The following NRXN3 variants were observed in gnomAD, a reference collection of about 807,000 sequenced individuals.
NRXN3 encodes the protein neurexin 3.
In NRXN3, 32 loss-of-function variants were observed where a neutral mutation model predicts 137.6. The observed-to-expected ratio is 0.23, with a 90% CI of 0.18 to 0.31. The LOEUF (loss-of-function observed/expected upper bound fraction) is 0.31. NRXN3 is among the 10% of genes least tolerant of loss of function. The pLI, the probability that NRXN3 is intolerant of heterozygous loss-of-function variation, is 1.00. For synonymous variants in NRXN3, 798 were observed against 784.5 expected, an observed-to-expected ratio of 1.02 and a Z score of -0.29; for missense variants, 1,574 against 2,062.5, an observed-to-expected ratio of 0.76 and a Z score of 4.59.
At chr14:78,580,269 C>T (rs933239344) in intron 4 of NRXN3, among the ~76,000 whole-genome samples, 3 of 152,118 alleles carry the variant, frequency 2.0e-5, no homozygotes, top group African/African-American at 7.2e-5. Flanking sequence ...TGCCTGCTTG[C>T]CCTAACTGCA....
At chr14:79,748,413 G>A (rs559110545) in intron 19 of NRXN3, among the ~76,000 whole-genome samples, 10 of 151,972 alleles carry the variant, frequency 6.6e-5, no homozygotes, top group South Asian at 2.1e-4. Flanking sequence ...GATTATTAAC[G>A]GTTGACATTG....
intron 16 of NRXN3, among the ~76,000 whole-genome samples, chr14:79,614,873 C>T (rs2098139022): frequency 6.6e-6 from 1 of 152,104 alleles, no homozygotes. Flanking sequence ...CTGCAGCTGC[C>T]TAGTTAGGTA....
intron 19 of NRXN3, among the ~76,000 whole-genome samples, chr14:79,715,619 A>C (rs150725873): frequency 1.3e-5 from 2 of 152,314 alleles, no homozygotes; most frequent in Non-Finnish European, 2.9e-5. Flanking sequence ...AAAGATAATA[A>C]AGCAAGTGTA....
intron 16 of NRXN3, among the ~76,000 whole-genome samples, chr14:79,496,977 C>T (rs1225371687): frequency 6.6e-6 from 1 of 152,174 alleles, no homozygotes; most frequent in Non-Finnish European, 1.5e-5. Context: ...TTTACTCACT[C>T]CACCATAACC....
rs780777887 is a variant in NRXN3 at position 79,257,589 on chromosome 14, ATGGTGGTGGTGGTGG to A, written c.3263-209620_3263-209606del. On this transcript the variant is annotated intron_variant, in intron 15 of 20. Coordinates refer to ENST00000335750, the MANE Select transcript of NRXN3 (RefSeq NM_001330195.2). ...GGTGGTGGTGGTGGTGATGGTAATG[ATGGTGGTGGTGGTGG>A]TGGTGGTGGTGACGATGGTATTAGG... Among the ~76,000 whole-genome samples, 3 of 29,864 alleles carry A rather than the reference ATGGTGGTGGTGGTGG, an allele frequency of 1.0e-4. No homozygotes were observed. In the South Asian group the frequency reaches 3.7e-3, roughly 37 times the overall value. 19.6% of individuals were successfully genotyped at this position (29,864 alleles called of 152,430 possible).
intron 16 of NRXN3, among the ~76,000 whole-genome samples, chr14:79,575,623 T>C (rs557888721): frequency 6.6e-6 from 1 of 152,276 alleles, no homozygotes; most frequent in East Asian, 1.9e-4. Context: ...CTTAATTTTT[T>C]TCTCTCTAAA....
intron 15 of NRXN3, among the ~76,000 whole-genome samples, chr14:79,278,792 G>T (rs2080732273): frequency 6.6e-6 from 1 of 152,152 alleles, no homozygotes; most frequent in African/African-American, 2.4e-5. Context: ...TGGGAGTCCG[G>T]ACTCAGATTC....
At chr14:78,335,706 T>G (rs1309827568) in intron 4 of NRXN3, among the ~76,000 whole-genome samples, 1 of 152,126 alleles carries the variant, frequency 6.6e-6, no homozygotes, top group African/African-American at 2.4e-5. Flanking sequence ...AGGGGAAGTG[T>G]TGTCTGCAGC....
intron 1 of NRXN3, among the ~76,000 whole-genome samples, chr14:78,238,432 G>A (rs1297658052): frequency 1.3e-5 from 2 of 152,190 alleles, no homozygotes; most frequent in Non-Finnish European, 1.5e-5. Flanking sequence ...CTGGCCAGGT[G>A]AAGAGGGCTC....
chr14:79,732,857 C>T (rs939582586), intron 19 of NRXN3, among the ~76,000 whole-genome samples: 2 of 152,118 alleles, frequency 1.3e-5, no homozygotes, highest in African/African-American at 2.4e-5. Flanking sequence ...CCCATATACT[C>T]TTAAACACTA....
At chr14:78,952,061 C>T (rs1391431652) in intron 10 of NRXN3, among the ~76,000 whole-genome samples, 1 of 152,102 alleles carries the variant, frequency 6.6e-6, no homozygotes, top group Non-Finnish European at 1.5e-5. Flanking sequence ...CTTTCTCACA[C>T]CTCCCTGGGA....
Position 79,834,621 on chromosome 14 carries a change from G to A in NRXN3, c.4094-26721G>A, listed in dbSNP as rs543712925. On this transcript the variant is annotated intron_variant, in intron 20 of 20. Coordinates refer to ENST00000335750, the MANE Select transcript of NRXN3 (RefSeq NM_001330195.2). ...TAACCCTAAACATGACACAAAAGGG[G>A]CTAGTGAAATATTTGCCGAGAGCGG... Among the ~76,000 whole-genome samples the A allele has an allele frequency of 3.3e-5, 5 of 152,072 alleles. No homozygotes were observed. The East Asian group carries it at 9.6e-4, about 29-fold the overall frequency.
chr14:79,837,857 A>G (rs1425715811), intron 20 of NRXN3, among the ~76,000 whole-genome samples: 1 of 152,184 alleles, frequency 6.6e-6, no homozygotes, highest in Non-Finnish European at 1.5e-5. Context: ...TTCATGCAGC[A>G]TCTTCCTATC....
chr14:79,369,296 C>G (rs569680659), intron 15 of NRXN3, among the ~76,000 whole-genome samples: 1 of 152,048 alleles, frequency 6.6e-6, no homozygotes. Context: ...ATTCTTCCGT[C>G]CATTCTATTT....
intron 16 of NRXN3, among the ~76,000 whole-genome samples, chr14:79,519,768 C>CTTTTTTT (rs200757761): frequency 8.4e-6 from 1 of 119,400 alleles, no homozygotes; most frequent in African/African-American, 3.0e-5. Flanking sequence ...AATAGTATTT[C>CTTTTTTT]TTTTTTTTTT....
At chr14:79,354,781 C>T (rs914729748) in intron 15 of NRXN3, among the ~76,000 whole-genome samples, 8 of 152,150 alleles carry the variant, frequency 5.3e-5, no homozygotes, top group Non-Finnish European at 8.8e-5. Flanking sequence ...AATGCCCTCA[C>T]TTATTGGTTT....
chr14:78,475,505 T>G lies in NRXN3; in HGVS notation c.758-169615T>G, dbSNP rs543657908. 8.3e-4 allele frequency among the ~76,000 whole-genome samples: 126 copies of G among 152,322 alleles called. 1 individual carries two copies. Among genetic ancestry groups the G allele is most frequent in the Non-Finnish European group, 1.3e-3 (89 of 68,030 alleles). Reference sequence around the variant, plus strand: ...CCAAGCTCTCCTCTCACCTCTTCCCTCTTTCTTTCAAGTATCTCAGGTGGT... The same window carrying G: ...CCAAGCTCTCCTCTCACCTCTTCCCGCTTTCTTTCAAGTATCTCAGGTGGT... On this transcript the variant is annotated intron_variant, in intron 4 of 20. Transcript: ENST00000335750.
At chr14:79,672,565 A>G (rs1465868397) in intron 17 of NRXN3, among the ~76,000 whole-genome samples, 2 of 152,094 alleles carry the variant, frequency 1.3e-5, no homozygotes, top group African/African-American at 4.8e-5. Flanking sequence ...ATTCTTCTGA[A>G]TTAAAACAAT....
intron 4 of NRXN3, among the ~76,000 whole-genome samples, chr14:78,367,135 T>C (rs1226319956): frequency 6.6e-6 from 1 of 152,242 alleles, no homozygotes; most frequent in Non-Finnish European, 1.5e-5. Flanking sequence ...TTCTGTTCTC[T>C]GAATACTAAC....
Sources: gnomAD v4.1 joint callset for allele counts (sites outside exome capture counted in the v4.1 genomes callset) on GRCh38, gnomAD v4.1.1 for gene constraint, MANE v1.5 for transcripts, NCBI Gene and HGNC (gene_info 2026-07-23, HGNC 2026-07-21) for gene names.